The following RANBP2 variants were observed in gnomAD, a reference collection of about 807,000 sequenced individuals.
RANBP2 encodes RAN binding protein 2.
Under a neutral mutation model 303.6 loss-of-function variants are expected in RANBP2, and 57 were observed. That is an observed-to-expected ratio of 0.19 (90% CI 0.15 to 0.23). RANBP2 has a LOEUF of 0.23. Among genes scored for constraint, RANBP2 ranks in the 10% least tolerant of loss-of-function variants. The pLI is 1.00. For synonymous variants in RANBP2, 1,167 were observed against 1,301.5 expected (o/e 0.90, Z 2.23); for missense variants, 3,138 against 3,780.8 (o/e 0.83, Z 4.46).
chr2:109,435,247 A>G, the RANBP2 span, among the ~76,000 whole-genome samples: 33 of 152,276 alleles, frequency 2.2e-4, no homozygotes, highest in African/African-American at 7.7e-4. Flanking sequence ...GCTCAGCACA[A>G]AACAGGAAAT....
At chr2:109,072,885 C>T in the RANBP2 span, among the ~76,000 whole-genome samples, 5,553 of 152,146 alleles carry the variant, frequency 0.036, 346 homozygotes, top group African/African-American at 0.13. Context: ...CCACCAAGAA[C>T]AAGAACAGCA....
the RANBP2 span, among the ~76,000 whole-genome samples, chr2:109,006,799 G>A: frequency 6.6e-6 from 1 of 152,208 alleles, no homozygotes; most frequent in African/African-American, 2.4e-5. Flanking sequence ...GCATTGGGTG[G>A]ATTTCCTCCT....
chr2:109,469,843 G>A, the RANBP2 span, among the ~76,000 whole-genome samples: 2 of 152,216 alleles, frequency 1.3e-5, no homozygotes, highest in South Asian at 2.1e-4. Context: ...TTGGTTATGT[G>A]TGCAGCTTGG....
the RANBP2 span, among the ~76,000 whole-genome samples, chr2:109,206,901 G>A: frequency 1.3e-5 from 2 of 152,228 alleles, no homozygotes; most frequent in African/African-American, 4.8e-5. Context: ...CCAGTCATGG[G>A]CCATAAGCTT....
the RANBP2 span, among the ~76,000 whole-genome samples, chr2:109,361,483 T>C: frequency 6.6e-6 from 1 of 152,196 alleles, no homozygotes; most frequent in East Asian, 1.9e-4. Context: ...TTATTCAGTT[T>C]CTTTTTTTAA....
At chr2:108,861,025 C>T in the RANBP2 span, among the ~76,000 whole-genome samples, 1 of 125,086 alleles carries the variant, frequency 8.0e-6, no homozygotes, top group Non-Finnish European at 1.6e-5. Flanking sequence ...TTCAGGGTTT[C>T]AATTTCTTCC....
chr2:109,653,293 G>C, the RANBP2 span, among the ~76,000 whole-genome samples: 24 of 152,034 alleles, frequency 1.6e-4, no homozygotes, highest in Non-Finnish European at 2.9e-4. Flanking sequence ...TGCTTGGGAG[G>C]CTGAGGCAGG....
At chr2:108,876,371 T>C in the RANBP2 span, 1 of 582,782 alleles carries the variant, frequency 1.7e-6, no homozygotes, top group East Asian at 2.9e-5. Flanking sequence ...TCATGAAAAA[T>C]AAATAATTTT....
chr2:109,401,973 G>C, the RANBP2 span, among the ~76,000 whole-genome samples: 1 of 152,206 alleles, frequency 6.6e-6, no homozygotes, highest in African/African-American at 2.4e-5. Flanking sequence ...TCATGGCCAG[G>C]CTACTGACTT....
At chr2:108,782,077 T>G in intron 26 of RANBP2, 51 bp from the exon 27 acceptor site, 1 of 1,586,474 alleles carries the variant, frequency 6.3e-7, no homozygotes, top group Middle Eastern at 1.8e-4. Flanking sequence ...AAATTTGTCA[T>G]GGAATTTATT....
the RANBP2 span, among the ~76,000 whole-genome samples, chr2:109,395,652 G>A: frequency 1.3e-5 from 2 of 152,316 alleles, no homozygotes; most frequent in South Asian, 2.1e-4. Context: ...TGTCTCCGCC[G>A]TGAAGGCACA....
chr2:109,405,007 C>G, the RANBP2 span, among the ~76,000 whole-genome samples: 2 of 144,570 alleles, frequency 1.4e-5, no homozygotes, highest in Non-Finnish European at 3.0e-5. Flanking sequence ...TACACAAATA[C>G]CCCCCACCTT....
chr2:109,175,433 C>G, the RANBP2 span, among the ~76,000 whole-genome samples: 1 of 152,216 alleles, frequency 6.6e-6, no homozygotes, highest in Admixed American at 6.5e-5. Context: ...TGGCAGTCGT[C>G]TGTGTAACCA....
chr2:109,088,087 A>C, the RANBP2 span, among the ~76,000 whole-genome samples: 1 of 151,758 alleles, frequency 6.6e-6, no homozygotes, highest in Admixed American at 6.6e-5. Context: ...ACGTGGTGAA[A>C]CCTCGTCTCT....
intron 25 of RANBP2, among the ~76,000 whole-genome samples, chr2:108,778,280 C>G (rs1332181502): frequency 1.3e-5 from 2 of 152,228 alleles, no homozygotes; most frequent in Non-Finnish European, 2.9e-5. Context: ...TTAACATTCA[C>G]TTCTCACTAC....
At chr2:108,926,621 G>A in the RANBP2 span, among the ~76,000 whole-genome samples, 49 of 152,346 alleles carry the variant, frequency 3.2e-4, no homozygotes, top group African/African-American at 1.1e-3. Flanking sequence ...GTGAGGAAGC[G>A]TAACCTCTCT....
At chr2:109,330,394 C>T in the RANBP2 span, among the ~76,000 whole-genome samples, 1 of 152,066 alleles carries the variant, frequency 6.6e-6, no homozygotes, top group African/African-American at 2.4e-5. Flanking sequence ...TCAGAATTAT[C>T]CAAGACTTTC....
At chr2:109,583,802 A>C in the RANBP2 span, among the ~76,000 whole-genome samples, 1 of 152,234 alleles carries the variant, frequency 6.6e-6, no homozygotes, top group Non-Finnish European at 1.5e-5. Flanking sequence ...ACTACTACAC[A>C]GCCATAAAAA....
the RANBP2 span, among the ~76,000 whole-genome samples, chr2:108,852,439 A>C: frequency 6.6e-6 from 1 of 152,224 alleles, no homozygotes; most frequent in African/African-American, 2.4e-5. Flanking sequence ...TATTATAAGG[A>C]CACATGCATG....
Sources: gnomAD v4.1 joint callset for allele counts (sites outside exome capture counted in the v4.1 genomes callset) on GRCh38, gnomAD v4.1.1 for gene constraint, MANE v1.5 for transcripts, NCBI Gene and HGNC (gene_info 2026-07-23, HGNC 2026-07-21) for gene names.